Variants in SLC4A4 observed in about 807,000 individuals in gnomAD.
SLC4A4 encodes solute carrier family 4 member 4.
Under a neutral mutation model 111.5 loss-of-function variants are expected in SLC4A4, and 27 were observed. The observed-to-expected ratio is 0.24, with a 90% CI of 0.18 to 0.33. SLC4A4 has a LOEUF of 0.33. Ranked by LOEUF, SLC4A4 falls within the 10% of genes least tolerant of loss-of-function variation. SLC4A4 has a pLI of 1.00. For synonymous variants in SLC4A4, 443 were observed against 463.4 expected, an observed-to-expected ratio of 0.96 and a Z score of 0.57; for missense variants, 909 against 1,315.5, an observed-to-expected ratio of 0.69 and a Z score of 4.78.
chr4:71,531,054 A>G (rs1344730475), intron 16 of SLC4A4, among the ~76,000 whole-genome samples: 5 of 152,152 alleles, frequency 3.3e-5, no homozygotes, highest in Non-Finnish European at 5.9e-5. Context: ...CAAGAAAAGT[A>G]TTGGGAACTG....
At chr4:71,379,792 A>G (rs1201674769) in intron 6 of SLC4A4, among the ~76,000 whole-genome samples, 1 of 152,114 alleles carries the variant, frequency 6.6e-6, no homozygotes, top group East Asian at 1.9e-4. Context: ...GAATTTCTCA[A>G]ATTCATCTAG....
rs1010694687 is a variant in SLC4A4, at chr4:71,387,312, G to C, written c.731-10265G>C. On this transcript the variant is annotated intron_variant, in intron 6 of 25. Coordinates refer to ENST00000264485, the MANE Select transcript of SLC4A4 (RefSeq NM_001098484.3). ...CTTCTTCTTCCAGAAAGTTTTTGGA[G>C]TCTCTTGTCTATGCTGGTCTTCTAT... 9.9e-5 allele frequency among the ~76,000 whole-genome samples: 15 copies of C among 152,178 alleles called. No homozygotes were observed. In the East Asian group the frequency reaches 2.7e-3, roughly 27 times the overall value.
At position 71,137,176 on chromosome 4, in the gene SLC4A4, G is replaced by T. The variant is rs1743868746; in HGVS notation, c.-2+44384G>T. Reference sequence around the variant, plus strand: ...TCAAGGAGAAAATAATTAGCTCCAAGCCGAGAGACATCTGCCCGCTGACTC... The same window carrying T: ...TCAAGGAGAAAATAATTAGCTCCAATCCGAGAGACATCTGCCCGCTGACTC... On this transcript the variant is annotated intron_variant, in intron 2 of 26. Transcript: ENST00000649996. Among the ~76,000 whole-genome samples, 3 of 152,228 alleles carry T rather than the reference G, an allele frequency of 2.0e-5. No individual in the cohort carries two copies. In the South Asian group the frequency reaches 6.2e-4, roughly 32 times the overall value.
chr4:71,363,242 T>G (rs989160864), intron 6 of SLC4A4, among the ~76,000 whole-genome samples: 4 of 152,206 alleles, frequency 2.6e-5, no homozygotes, highest in African/African-American at 4.8e-5. Context: ...AATAGTAATT[T>G]TAGGCTCCAG....
chr4:71,069,143 G>A (rs1446362665), intron 1 of SLC4A4, among the ~76,000 whole-genome samples: 2 of 152,000 alleles, frequency 1.3e-5, no homozygotes, highest in South Asian at 2.1e-4. Context: ...TTCAGGGCAG[G>A]CACATACATA....
At position 71,571,783 on chromosome 4, in the gene SLC4A4, T is replaced by A. The variant is rs1452111594; in HGVS notation, c.*4032T>A. The A allele has an allele frequency of 6.6e-6, 1 of 152,284 alleles. No individual in the cohort carries two copies. The highest frequency in any genetic ancestry group is 1.5e-5 in the Non-Finnish European group (1 of 67,894). 9.4% of individuals were successfully genotyped at this position (152,284 alleles called of 1,614,324 possible). ...AGAATCAATACGCACTTTCAGATAT[T>A]CTTATTTTTATTCTCTTAAGTCTTT... On this transcript the variant is annotated 3_prime_UTR_variant, in exon 26 of 26. Transcript: ENST00000264485.
At chr4:71,559,772 T>C (rs1168826987) in intron 22 of SLC4A4, among the ~76,000 whole-genome samples, 1 of 151,892 alleles carries the variant, frequency 6.6e-6, no homozygotes, top group Non-Finnish European at 1.5e-5. Context: ...CTTTTAATTA[T>C]TTTATTTAAA....
At chr4:71,431,872 A>G (rs1175936180) in intron 7 of SLC4A4, among the ~76,000 whole-genome samples, 1 of 151,710 alleles carries the variant, frequency 6.6e-6, no homozygotes, top group African/African-American at 2.4e-5. Context: ...GAACCTTAAA[A>G]TCCTCACTTC....
intron 2 of SLC4A4, among the ~76,000 whole-genome samples, chr4:71,171,406 C>G (rs1012502228): frequency 5.3e-5 from 8 of 152,082 alleles, no homozygotes; most frequent in African/African-American, 1.4e-4. Context: ...GTTACAGAAC[C>G]CTGGCTTCGT....
intron 3 of SLC4A4, among the ~76,000 whole-genome samples, chr4:71,268,284 T>A (rs1456594764): frequency 1.3e-5 from 2 of 152,078 alleles, no homozygotes; most frequent in Non-Finnish European, 2.9e-5. Context: ...TCATTCTGGG[T>A]GAATATTTCA....
intron 1 of SLC4A4, among the ~76,000 whole-genome samples, chr4:71,092,449 A>T (rs1296582508): frequency 6.6e-6 from 1 of 152,206 alleles, no homozygotes; most frequent in African/African-American, 2.4e-5. Flanking sequence ...AATTTATAGA[A>T]GTTCATAAGG....
At chr4:71,100,909 T>C (rs1408849791) in intron 2 of SLC4A4, among the ~76,000 whole-genome samples, 2 of 152,152 alleles carry the variant, frequency 1.3e-5, no homozygotes, top group Non-Finnish European at 2.9e-5. Flanking sequence ...ATTTCTGCAA[T>C]GAGAATTACA....
chr4:71,546,333 G>A lies in SLC4A4; in HGVS notation c.2443-17G>A. ...ATGAGTCTTTTCTTCACATGGTTTT[G>A]TTATCTCTTTCTACAGAAAGGAGCA... On this transcript the variant is annotated splice_polypyrimidine_tract_variant and intron_variant, in intron 18 of 25. Coordinates refer to ENST00000264485, the MANE Select transcript of SLC4A4 (RefSeq NM_001098484.3). The A allele has an allele frequency of 3.7e-6, 6 of 1,608,624 alleles. No homozygotes were observed. The highest frequency in any genetic ancestry group is 5.1e-6 in the Non-Finnish European group (6 of 1,175,412).
At chr4:71,310,199 T>TA (rs1210300340) in intron 3 of SLC4A4, among the ~76,000 whole-genome samples, 2 of 151,942 alleles carry the variant, frequency 1.3e-5, no homozygotes, top group African/African-American at 4.8e-5. Flanking sequence ...AGACCAAACC[T>TA]ATGATTGATT....
intron 7 of SLC4A4, among the ~76,000 whole-genome samples, chr4:71,415,729 A>AC (rs1025223602): frequency 8.6e-5 from 13 of 151,848 alleles, no homozygotes; most frequent in African/African-American, 2.9e-4. Context: ...CTGCTCTGTC[A>AC]CCCCCTTTAT....
chr4:71,564,907 C>G (rs865831171), intron 24 of SLC4A4, among the ~76,000 whole-genome samples: 1 of 151,862 alleles, frequency 6.6e-6, no homozygotes, highest in South Asian at 2.1e-4. Context: ...TCCTCACATT[C>G]AGGAATGCAG....
chr4:71,175,714 A>C lies in SLC4A4; in HGVS notation c.-1-60862A>C, dbSNP rs555654584. 2.0e-5 allele frequency among the ~76,000 whole-genome samples: 3 copies of C among 152,302 alleles called. No individual in the cohort carries two copies. In the East Asian group the frequency reaches 5.8e-4, roughly 29 times the overall value. On this transcript the variant is annotated intron_variant, in intron 2 of 26. Transcript: ENST00000649996. The stretch of plus-strand genomic sequence containing the variant: ...ACTGGGTGGAGCCCACTGCAGCTCA[A>C]GGAGGCCTGCCTGCCTCTGTAGACT...
chr4:71,371,395 C>T (rs757973543), intron 6 of SLC4A4, among the ~76,000 whole-genome samples: 1 of 151,960 alleles, frequency 6.6e-6, no homozygotes, highest in Non-Finnish European at 1.5e-5. Context: ...AGGCGCCCAC[C>T]ACCACTCCCA....
intron 6 of SLC4A4, among the ~76,000 whole-genome samples, chr4:71,367,489 C>G (rs1358465723): frequency 6.6e-6 from 1 of 152,118 alleles, no homozygotes; most frequent in African/African-American, 2.4e-5. Context: ...TTAGCTAAGC[C>G]TGCAGGAATA....
Sources: gnomAD v4.1 joint callset for allele counts (sites outside exome capture counted in the v4.1 genomes callset) on GRCh38, gnomAD v4.1.1 for gene constraint, MANE v1.5 for transcripts, NCBI Gene and HGNC (gene_info 2026-07-23, HGNC 2026-07-21) for gene names.